DNAH9: variants seen among roughly 807,000 people sequenced by gnomAD.
DNAH9 encodes DNAH9 variant protein.
A neutral mutation model predicts 471.6 loss-of-function variants in DNAH9; 345 were observed. The ratio of observed to expected loss-of-function variants is 0.73; its 90% CI spans 0.67 to 0.80. The LOEUF (loss-of-function observed/expected upper bound fraction) is 0.80, where lower values mean the gene tolerates loss of function less well. DNAH9 is among the 30% of genes least tolerant of loss of function. The pLI is 0.00. For missense variants in DNAH9, 5,407 were observed against 5,609.2 expected, an observed-to-expected ratio of 0.96 and a Z score of 1.15; for synonymous variants, 2,093 against 2,123.6, an observed-to-expected ratio of 0.99 and a Z score of 0.40.
intron 48 of DNAH9, among the ~76,000 whole-genome samples, chr17:11,829,717 C>T (rs530011975): frequency 1.3e-5 from 2 of 152,208 alleles, no homozygotes; most frequent in Non-Finnish European, 2.9e-5. Flanking sequence ...AGGTGATCCT[C>T]CCGCCTGGGC....
At chr17:11,688,197 A>G (rs557700008) in intron 19 of DNAH9, among the ~76,000 whole-genome samples, 1 of 151,790 alleles carries the variant, frequency 6.6e-6, no homozygotes, top group Non-Finnish European at 1.5e-5. Flanking sequence ...ATGGCAGCCT[A>G]AAGTCTGTCC....
intron 1 of DNAH9, among the ~76,000 whole-genome samples, chr17:11,601,011 T>C (rs1279775599): frequency 6.6e-6 from 1 of 152,258 alleles, no homozygotes; most frequent in African/African-American, 2.4e-5. Flanking sequence ...TTTCTGTTCC[T>C]ATGAACCTGA....
rs1971293699 is a variant in DNAH9, at chr17:11,848,249, G to A, written c.9508-5754G>A. On this transcript the variant is annotated intron_variant, in intron 49 of 68. Coordinates refer to ENST00000262442, the MANE Select transcript of DNAH9 (RefSeq NM_001372.4). ...GATAAATAGCCCAGTAGAAATGTAG[G>A]CAAAGGACAAGAACAAACAACTCAC... 2.0e-5 allele frequency among the ~76,000 whole-genome samples: 3 copies of A among 151,982 alleles called. No individual in the cohort carries two copies. The South Asian group carries it at 6.2e-4, about 32-fold the overall frequency.
At chr17:11,773,855 C>T (rs911904443) in intron 38 of DNAH9, among the ~76,000 whole-genome samples, 2 of 152,116 alleles carry the variant, frequency 1.3e-5, no homozygotes, top group African/African-American at 2.4e-5. Context: ...ATAAGTGGGG[C>T]GTGGAGGCTC....
intron 6 of DNAH9, among the ~76,000 whole-genome samples, chr17:11,620,386 G>A (rs1397412243): frequency 6.7e-6 from 1 of 149,722 alleles, no homozygotes; most frequent in Non-Finnish European, 1.5e-5. Flanking sequence ...GGTGGCACAC[G>A]CCTGTAATCC....
intron 28 of DNAH9, among the ~76,000 whole-genome samples, chr17:11,730,706 A>G (rs2150818716): frequency 6.6e-6 from 1 of 152,302 alleles, no homozygotes; most frequent in Middle Eastern, 3.4e-3. Context: ...CCTGCAGAGA[A>G]TAGTCACTCA....
intron 17 of DNAH9, among the ~76,000 whole-genome samples, chr17:11,673,259 A>G (rs969297027): frequency 3.9e-5 from 6 of 152,168 alleles, no homozygotes; most frequent in African/African-American, 1.4e-4. Context: ...AGTATCAATC[A>G]TGAGAGAACT....
At chr17:11,773,945 C>T (rs1035197201) in intron 38 of DNAH9, among the ~76,000 whole-genome samples, 23 of 151,754 alleles carry the variant, frequency 1.5e-4, no homozygotes, top group African/African-American at 5.6e-4. Flanking sequence ...GCCTGGCCAA[C>T]ATGGTGAAAC....
At chr17:11,938,126 C>T (rs1420608405) in intron 66 of DNAH9, among the ~76,000 whole-genome samples, 3 of 152,080 alleles carry the variant, frequency 2.0e-5, no homozygotes, top group East Asian at 3.9e-4. Context: ...GGTTTCAGGA[C>T]AACCCAAGGC....
intron 56 of DNAH9, among the ~76,000 whole-genome samples, chr17:11,885,900 A>G (rs1421437419): frequency 6.6e-6 from 1 of 152,218 alleles, no homozygotes; most frequent in Non-Finnish European, 1.5e-5. Context: ...GCTCCCACAA[A>G]TTATCAGTAA....
At chr17:11,800,045 C>T (rs1969394178) in intron 43 of DNAH9, among the ~76,000 whole-genome samples, 1 of 152,240 alleles carries the variant, frequency 6.6e-6, no homozygotes, top group Admixed American at 6.5e-5. Context: ...AAGCATGTTG[C>T]TTCTTTCACC....
chr17:11,763,870 G>C (rs564648166), intron 36 of DNAH9, among the ~76,000 whole-genome samples: 1 of 152,254 alleles, frequency 6.6e-6, no homozygotes, highest in African/African-American at 2.4e-5. Context: ...TTGATTTCTT[G>C]GGAACTTATA....
intron 53 of DNAH9, among the ~76,000 whole-genome samples, chr17:11,878,820 T>C (rs529604546): frequency 6.6e-6 from 1 of 152,276 alleles, no homozygotes; most frequent in African/African-American, 2.4e-5. Context: ...CATCCCACCT[T>C]GGCCTCCCAA....
At chr17:11,607,591 A>C (rs904123531) in intron 1 of DNAH9, among the ~76,000 whole-genome samples, 2 of 151,912 alleles carry the variant, frequency 1.3e-5, no homozygotes, top group Non-Finnish European at 2.9e-5. Flanking sequence ...TTTTTCTGAG[A>C]TGGAGTCTTA....
intron 1 of DNAH9, 77 bp from the exon 2 acceptor site, chr17:11,608,052 C>A (rs892693561): frequency 3.4e-6 from 4 of 1,181,332 alleles, no homozygotes; most frequent in East Asian, 4.7e-5. Flanking sequence ...GCTTTATAAG[C>A]CTTTTCCAGA....
rs201144375 is a variant in DNAH9 at position 11,876,281 on chromosome 17, AGATTGT to A, written c.10478+1101_10478+1106del. 9.6e-3 allele frequency among the ~76,000 whole-genome samples: 1,465 copies of A among 152,340 alleles called. 12 individuals carry two copies. Among genetic ancestry groups the A allele is most frequent in the Non-Finnish European group, 0.015 (1,051 of 68,040 alleles). Reference sequence around the variant, plus strand: ...AAACAGTTCTTAAAAGAGCATAATTAGATTGTGATACAAAGGAGAAATGCTTAAGGA... The same window carrying A: ...AAACAGTTCTTAAAAGAGCATAATTAGATACAAAGGAGAAATGCTTAAGGA... On this transcript the variant is annotated intron_variant, in intron 53 of 68. Coordinates refer to ENST00000262442, the MANE Select transcript of DNAH9 (RefSeq NM_001372.4).
At position 11,680,832 on chromosome 17, in the gene DNAH9, C is replaced by T; in HGVS notation, c.3686C>T (p.Ala1229Val). 6 of 1,613,786 alleles carry T rather than the reference C, an allele frequency of 3.7e-6. No homozygotes were observed. The highest frequency in any genetic ancestry group is 5.1e-6 in the Non-Finnish European group (6 of 1,179,884). Residue 1229 changes from alanine (A) to valine (V), a missense_variant, in exon 19 of 69, where the codon GCC becomes GTC. By Grantham distance (64) the Ala-to-Val change is moderately conservative. Transcript: ENST00000262442. ...EVTLLRQRCT[A>V]FDAEQQQFWE... ...ACACTCCTCCGCCAGAGGTGCACAG[C>T]CTTCGATGCAGAACAGCAGCAATTC...
intron 41 of DNAH9, among the ~76,000 whole-genome samples, chr17:11,785,220 A>G (rs367839463): frequency 5.3e-5 from 8 of 152,190 alleles, no homozygotes; most frequent in African/African-American, 1.9e-4. Context: ...ATCCTCATGT[A>G]GCCAAGTCTA....
intron 11 of DNAH9, among the ~76,000 whole-genome samples, chr17:11,646,343 T>C (rs1478112515): frequency 6.6e-6 from 1 of 152,114 alleles, no homozygotes. Flanking sequence ...GTCAGGGTGA[T>C]CTGTTGGCCT....
Sources: allele counts gnomAD v4.1 joint callset (sites outside exome capture counted in the v4.1 genomes callset), GRCh38; gene constraint gnomAD v4.1.1; transcripts MANE v1.5; gene names NCBI Gene and HGNC (gene_info 2026-07-23, HGNC 2026-07-21).